The following ZNF419 variants were observed in gnomAD, a reference collection of about 807,000 sequenced individuals.
The protein encoded by ZNF419 is zinc finger protein 419, also known as zinc finger protein 419A.
A neutral mutation model predicts 14.9 loss-of-function variants in ZNF419; 8 were observed. The ratio of observed to expected loss-of-function variants is 0.54; its 90% CI spans 0.32 to 0.97. The LOEUF is 0.97. ZNF419 is among the 50% of genes least tolerant of loss of function. The pLI is 0.04. For synonymous variants in ZNF419, 211 were observed against 205.3 expected (o/e 1.03, Z -0.24); for missense variants, 595 against 607.2 (o/e 0.98, Z 0.21).
At position 57,495,725 on chromosome 19, in the gene ZNF419, C is replaced by CAAAAAAAAAAA. The variant is rs532907966; in HGVS notation, c.*1669_*1679dup. 1.2e-4 allele frequency: 6 copies of CAAAAAAAAAAA among 49,190 alleles called. No individual in the cohort carries two copies. Among genetic ancestry groups the CAAAAAAAAAAA allele is most frequent in the Non-Finnish European group, 1.4e-4 (4 of 29,606 alleles). 3.0% of individuals were successfully genotyped at this position (49,190 alleles called of 1,614,324 possible). ...TGGGGCACAAAGCCAGACTCTGTCT[C>CAAAAAAAAAAA]AAAAAAAAAAAAAAAAAAAAAAAAA... is the stretch of plus-strand genomic sequence containing the variant. On this transcript the variant is annotated 3_prime_UTR_variant, in exon 5 of 5. Coordinates refer to ENST00000221735, the MANE Select transcript of ZNF419 (RefSeq NM_024691.4).
chr19:57,488,295 G>A, intron 1 of ZNF419: 3 of 474,148 alleles, frequency 6.3e-6, no homozygotes, highest in Non-Finnish European at 1.1e-5. Context: ...CGGAGGGCTG[G>A]AGACAGAAGA....
rs1281422773 is a variant in ZNF419 at position 57,495,110 on chromosome 19, T to G, written c.*1020T>G. The G allele has an allele frequency of 6.6e-6, 1 of 152,234 alleles. No individual in the cohort carries two copies. The highest frequency in any genetic ancestry group is 1.9e-4 in the East Asian group (1 of 5,200). 9.4% of individuals were successfully genotyped at this position (152,234 alleles called of 1,614,324 possible). A position where few individuals can be genotyped will look rare whatever the true frequency, so the allele number is the denominator to read the frequency against. Reference sequence around the variant, plus strand: ...TTAATATTTCTGGAGACAAATTCCTTATTTGATATAAGCATTGTCAATATT... The same window carrying G: ...TTAATATTTCTGGAGACAAATTCCTGATTTGATATAAGCATTGTCAATATT... On this transcript the variant is annotated 3_prime_UTR_variant, in exon 5 of 5. Transcript: ENST00000221735.
rs2089386823 is a variant in ZNF419 at position 57,487,773 on chromosome 19, T to G, written c.-178T>G. 1 of 823,318 alleles carries G rather than the reference T, an allele frequency of 1.2e-6. No individual in the cohort carries two copies. The highest frequency in any genetic ancestry group is 1.9e-6 in the Non-Finnish European group (1 of 515,156). The allele number at this position is 823,318 out of a possible 1,614,324, so 51.0% of individuals were successfully genotyped here. A position where few individuals can be genotyped will look rare whatever the true frequency, so the allele number is the denominator to read the frequency against. On this transcript the variant is annotated 5_prime_UTR_variant, in exon 1 of 5. Coordinates refer to ENST00000221735, the MANE Select transcript of ZNF419 (RefSeq NM_024691.4). ...TTGGTATTCACTTTCGCGACTCAGG[T>G]GAACTAACCTGCGAGAAGCTGGTTG...
chr19:57,494,009 G>A lies in ZNF419; in HGVS notation c.1452G>A (p.Glu484=). ...QRVHTGAKPY[E]CRECGKFFRH... ...TTCACACTGGAGCAAAGCCTTATGAGTGCAGGGAATGTGGGAAGTTTTTTC... is the reference window on the plus strand; with the variant it reads ...TTCACACTGGAGCAAAGCCTTATGAATGCAGGGAATGTGGGAAGTTTTTTC... The change falls in exon 5 of 5, where the codon GAG becomes GAA. Residue 484 remains glutamate (E), a synonymous_variant. Transcript: ENST00000221735. 1.9e-6 allele frequency: 3 copies of A among 1,613,888 alleles called. No homozygotes were observed. The highest frequency in any genetic ancestry group is 2.5e-6 in the Non-Finnish European group (3 of 1,179,942).
At chr19:57,492,735 C>G (rs781616579) in intron 4 of ZNF419, 121 bp from the exon 5 acceptor site, 1 of 1,344,852 alleles carries the variant, frequency 7.4e-7, no homozygotes, top group Non-Finnish European at 1.1e-6. Context: ...AGAGCTAGCC[C>G]TCTTTATTTC....
rs2089390793 is a variant in ZNF419, at chr19:57,487,889, C to T, written c.-62C>T. 1.9e-6 allele frequency: 3 copies of T among 1,611,894 alleles called. No homozygotes were observed. The highest frequency in any genetic ancestry group is 1.7e-5 in the Admixed American group (1 of 59,922). On this transcript the variant is annotated 5_prime_UTR_variant, in exon 1 of 5. Transcript: ENST00000221735. ...GGGTCTGAGGCTCGGTGGCGGCGCC[C>T]AGGGTGGCCCGGGCCCTTTCCTCGG...
Position 57,493,531 on chromosome 19 carries a change from G to A in ZNF419, c.974G>A (p.Ser325Asn), listed in dbSNP as rs757734709. 1.9e-6 allele frequency: 3 copies of A among 1,608,162 alleles called. No individual in the cohort carries two copies. Among genetic ancestry groups the A allele is most frequent in the African/African-American group, 2.7e-5 (2 of 74,802 alleles). The change falls in exon 5 of 5, where the codon AGT (serine) becomes AAT (asparagine). Residue 325 changes from serine (S) to asparagine (N), a missense_variant. Physicochemically the swap from Ser to Asn is conservative, Grantham distance 46. Transcript: ENST00000221735. ...TGCAGTGAATGTGGAAAATTGTTTA[G>A]TTTCAACTCCAGCCTCATGAAACAT... is the stretch of plus-strand genomic sequence containing the variant. Reference protein sequence around the residue: ...YECSECGKLFSFNSSLMKHQR... With the variant: ...YECSECGKLFNFNSSLMKHQR...
At position 57,493,418 on chromosome 19, in the gene ZNF419, T is replaced by C; in HGVS notation, c.861T>C (p.Phe287=). The C allele has an allele frequency of 6.2e-7, 1 of 1,614,176 alleles. No individual in the cohort carries two copies. The highest frequency in any genetic ancestry group is 8.5e-7 in the Non-Finnish European group (1 of 1,180,030). The stretch of plus-strand genomic sequence containing the variant: ...GAGTTCACACTGGAGAAAAGCCTTT[T>C]ACATGCAGTGAATGTGGAAAAGCTT... ...HQRVHTGEKP[F]TCSECGKAFR... is the part of the protein sequence containing the mutation. The change falls in exon 5 of 5, where the codon TTT becomes TTC. Residue 287 remains phenylalanine, a synonymous_variant. Transcript: ENST00000221735.
At chr19:57,488,211 G>C in intron 1 of ZNF419, 1 of 613,184 alleles carries the variant, frequency 1.6e-6, no homozygotes, top group Non-Finnish European at 2.7e-6. Context: ...TGGGCAGCTT[G>C]GGAAGGGACG....
rs1203652433 is a variant in ZNF419, at chr19:57,495,309, T to C, written c.*1219T>C. On this transcript the variant is annotated 3_prime_UTR_variant, in exon 5 of 5. Coordinates refer to ENST00000221735, the MANE Select transcript of ZNF419 (RefSeq NM_024691.4). The stretch of plus-strand genomic sequence containing the variant: ...CACCATGCTTGGCCTTGTTTTCAGT[T>C]CTTAACAGTATCTTTCCTAGAGCAG... 6.6e-6 allele frequency: 1 copy of C among 152,210 alleles called. No individual in the cohort carries two copies. Among genetic ancestry groups the C allele is most frequent in the Non-Finnish European group, 1.5e-5 (1 of 68,050 alleles). The allele number at this position is 152,210 out of a possible 1,614,324, so 9.4% of individuals were successfully genotyped here.
Position 57,490,133 on chromosome 19 carries a change from T to C in ZNF419, c.34-14T>C, listed in dbSNP as rs1285342022. On this transcript the variant is annotated splice_polypyrimidine_tract_variant and intron_variant, in intron 1 of 4. Coordinates refer to ENST00000221735, the MANE Select transcript of ZNF419 (RefSeq NM_024691.4). ...ACATCACTGTCTGGTTCTCATAGTC[T>C]TGATTTTCCATAGGTTCCTGTGGCT... 6.2e-7 allele frequency: 1 copy of C among 1,613,104 alleles called. No individual in the cohort carries two copies. Among genetic ancestry groups the C allele is most frequent in the Non-Finnish European group, 8.5e-7 (1 of 1,179,530 alleles).
chr19:57,491,333 A>G, intron 2 of ZNF419, 138 bp from the exon 3 acceptor site: 1 of 1,306,526 alleles, frequency 7.7e-7, no homozygotes, highest in Non-Finnish European at 1.1e-6. Context: ...GAGAGTGGGC[A>G]TCAGTGGCTC....
chr19:57,491,260 C>G, intron 2 of ZNF419: 1 of 643,174 alleles, frequency 1.6e-6, no homozygotes, highest in Non-Finnish European at 2.7e-6. Context: ...GCATACCATG[C>G]CCAGAGCTGA....
chr19:57,492,591 C>T lies in ZNF419; in HGVS notation c.299-265C>T, dbSNP rs1008345186. The T allele has an allele frequency of 4.0e-6, 3 of 749,912 alleles. No homozygotes were observed. In the African/African-American group the frequency reaches 5.1e-5, roughly 13 times the overall value. The allele number at this position is 749,912 out of a possible 1,614,324, so 46.5% of individuals were successfully genotyped here. On this transcript the variant is annotated intron_variant, in intron 4 of 4. Transcript: ENST00000221735. ...CCAAAGTCCTGTGGAAAGCCATTTG[C>T]AGAGGATTGTGTTGGGGACACTGCC...
intron 2 of ZNF419, chr19:57,491,172 C>T: frequency 1.4e-5 from 6 of 435,928 alleles, no homozygotes; most frequent in Non-Finnish European, 2.5e-5. Context: ...AGAACACTGA[C>T]ACAAATTTGA....
Position 57,493,827 on chromosome 19 carries a change from G to A in ZNF419, c.1270G>A (p.Ala424Thr), listed in dbSNP as rs2089563072. 1.9e-6 allele frequency: 3 copies of A among 1,614,036 alleles called. No individual in the cohort carries two copies. Among genetic ancestry groups the A allele is most frequent in the Non-Finnish European group, 2.5e-6 (3 of 1,179,948 alleles). The change falls in exon 5 of 5, where the codon GCA becomes ACA. Residue 424 changes from alanine (A) to threonine (T), a missense_variant. Transcript: ENST00000221735. ...LVRHQRVHTG[A>T]KPYECRECGK... ...TAGACATCAGAGGGTTCACACTGGA[G>A]CAAAGCCTTATGAGTGCAGGGAATG...
In ZNF419 at chr19:57,494,651, A is replaced by G. The variant is rs1405486613; in HGVS notation, c.*561A>G. 3 of 164,404 alleles carry G rather than the reference A, an allele frequency of 1.8e-5. No homozygotes were observed. Among genetic ancestry groups the G allele is most frequent in the African/African-American group, 7.2e-5 (3 of 41,886 alleles). The allele number at this position is 164,404 out of a possible 1,614,324, so 10.2% of individuals were successfully genotyped here. A position where few individuals can be genotyped will look rare whatever the true frequency, so the allele number is the denominator to read the frequency against. ...GAATGTTAGATCTTCTTTAATAAAT[A>G]TTTATTTCCCATACACCCTTATGAC... On this transcript the variant is annotated 3_prime_UTR_variant, in exon 5 of 5. Coordinates refer to ENST00000221735, the MANE Select transcript of ZNF419 (RefSeq NM_024691.4).
intron 3 of ZNF419, 64 bp downstream of exon 3, chr19:57,491,661 G>A: frequency 6.2e-7 from 1 of 1,613,404 alleles, no homozygotes; most frequent in Non-Finnish European, 8.5e-7. Flanking sequence ...CTTTTCCTAG[G>A]GAGAGGTCTG....
chr19:57,494,234 A>G lies in ZNF419; in HGVS notation c.*144A>G, dbSNP rs2089578521. ...CACTGGACAGTTTACAATGTGGACA[A>G]TGTAGTGAATATGGAAAAAGGTTTC... is the stretch of plus-strand genomic sequence containing the variant. On this transcript the variant is annotated 3_prime_UTR_variant, in exon 5 of 5. Transcript: ENST00000221735. 3 of 1,265,642 alleles carry G rather than the reference A, an allele frequency of 2.4e-6. No homozygotes were observed. Among genetic ancestry groups the G allele is most frequent in the Non-Finnish European group, 3.2e-6 (3 of 933,410 alleles). 78.4% of individuals were successfully genotyped at this position (1,265,642 alleles called of 1,614,324 possible). A position where few individuals can be genotyped will look rare whatever the true frequency, so the allele number is the denominator to read the frequency against.
Sources: gnomAD v4.1 joint callset for allele counts on GRCh38, gnomAD v4.1.1 for gene constraint, MANE v1.5 for transcripts, NCBI Gene and HGNC (gene_info 2026-07-23, HGNC 2026-07-21) for gene names.